Variants in B3GALT1 observed in about 807,000 individuals in gnomAD.
The protein encoded by B3GALT1 is beta-1,3-galactosyltransferase 1, also known as UDP-Gal:betaGlcNAc beta 1,3-galactosyltransferase, polypeptide 1.
B3GALT1 carries 10 observed loss-of-function variants against 23.2 expected under a neutral mutation model. The ratio of observed to expected loss-of-function variants is 0.43; its 90% CI spans 0.27 to 0.73. B3GALT1 has a LOEUF of 0.73. B3GALT1 is among the 30% of genes least tolerant of loss of function. The pLI, the probability that B3GALT1 is intolerant of heterozygous loss-of-function variation, is 0.21. For missense variants in B3GALT1, 299 were observed against 405.4 expected, an observed-to-expected ratio of 0.74 and a Z score of 2.25; for synonymous variants, 156 against 141.5, an observed-to-expected ratio of 1.10 and a Z score of -0.73.
At chr2:167,322,704 C>G (rs1050847032) in intron 1 of B3GALT1, among the ~76,000 whole-genome samples, 1 of 151,986 alleles carries the variant, frequency 6.6e-6, no homozygotes, top group African/African-American at 2.4e-5. Context: ...AGTGTGAACT[C>G]TAAGTTTTCT....
chr2:167,787,674 C>A (rs1374227614), intron 3 of B3GALT1, among the ~76,000 whole-genome samples: 1 of 152,204 alleles, frequency 6.6e-6, no homozygotes, highest in Non-Finnish European at 1.5e-5. Flanking sequence ...TGACCCCTAT[C>A]CCAGCACCAT....
intron 4 of B3GALT1, among the ~76,000 whole-genome samples, chr2:167,841,157 C>T (rs1425851778): frequency 1.3e-5 from 2 of 149,584 alleles, no homozygotes. Flanking sequence ...CACATGTACC[C>T]TAAAACTTAA....
chr2:167,636,335 A>T (rs200837048), intron 2 of B3GALT1, among the ~76,000 whole-genome samples: 3 of 151,892 alleles, frequency 2.0e-5, no homozygotes, highest in Non-Finnish European at 4.4e-5. Flanking sequence ...CACCAAGCTG[A>T]AGATATGCTC....
intron 3 of B3GALT1, among the ~76,000 whole-genome samples, chr2:167,806,977 T>C (rs1317394737): frequency 6.6e-6 from 1 of 152,210 alleles, no homozygotes; most frequent in Non-Finnish European, 1.5e-5. Context: ...CTATTAATTG[T>C]TGCCTCAATT....
intron 3 of B3GALT1, among the ~76,000 whole-genome samples, chr2:167,676,835 C>A (rs1686436791): frequency 6.6e-6 from 1 of 152,092 alleles, no homozygotes; most frequent in Non-Finnish European, 1.5e-5. Flanking sequence ...CCGCGCCTGG[C>A]CCCAATAATT....
At chr2:167,539,931 C>T (rs1683508455) in intron 2 of B3GALT1, among the ~76,000 whole-genome samples, 2 of 152,032 alleles carry the variant, frequency 1.3e-5, no homozygotes, top group Non-Finnish European at 2.9e-5. Context: ...TTCTCTCTAA[C>T]AGTTAAAAAA....
chr2:167,705,293 CA>C (rs1457011696), intron 3 of B3GALT1, among the ~76,000 whole-genome samples: 2 of 152,292 alleles, frequency 1.3e-5, no homozygotes, highest in East Asian at 3.9e-4. Flanking sequence ...GCTATTATAG[CA>C]GACCCAAAAG....
Position 167,868,965 on chromosome 2 carries a change from C to CT in B3GALT1, c.-72dup. The CT allele has an allele frequency of 6.7e-7, 1 of 1,484,160 alleles. No homozygotes were observed. The highest frequency in any genetic ancestry group is 9.1e-7 in the Non-Finnish European group (1 of 1,104,928). The allele number at this position is 1,484,160 out of a possible 1,614,324, so 91.9% of individuals were successfully genotyped here. A position where few individuals can be genotyped will look rare whatever the true frequency, so the allele number is the denominator to read the frequency against. On this transcript the variant is annotated 5_prime_UTR_variant, in exon 5 of 5. An upstream open reading frame in the 5' UTR gains an earlier in-frame stop. Transcript: ENST00000392690. ...TGAAGATTTATTAGTAATATGCTGC[C>CT]TTTGGAAGATGAAAACAAACTAGTG...
intron 2 of B3GALT1, among the ~76,000 whole-genome samples, chr2:167,533,727 A>G (rs955551697): frequency 4.6e-5 from 7 of 152,152 alleles, no homozygotes; most frequent in African/African-American, 1.4e-4. Context: ...AGATTCCCTT[A>G]CGTTTTACCA....
At chr2:167,674,012 CTATT>C (rs1201272991) in intron 3 of B3GALT1, among the ~76,000 whole-genome samples, 3 of 152,036 alleles carry the variant, frequency 2.0e-5, no homozygotes, top group African/African-American at 4.8e-5. Flanking sequence ...CTTTGCTATT[CTATT>C]TATTCATGCA....
At chr2:167,349,853 A>G (rs1244532976) in intron 1 of B3GALT1, among the ~76,000 whole-genome samples, 2 of 152,216 alleles carry the variant, frequency 1.3e-5, no homozygotes, top group Non-Finnish European at 2.9e-5. Context: ...TTCTCCCTAT[A>G]GGAATTTTTA....
At chr2:167,326,681 CATTT>C (rs945062055) in intron 1 of B3GALT1, among the ~76,000 whole-genome samples, 4 of 151,472 alleles carry the variant, frequency 2.6e-5, no homozygotes, top group Non-Finnish European at 4.4e-5. Flanking sequence ...TTCCCCTGCC[CATTT>C]ATTTATTTAT....
chr2:167,530,219 C>G (rs371568394), intron 2 of B3GALT1, among the ~76,000 whole-genome samples: 1 of 152,104 alleles, frequency 6.6e-6, no homozygotes, highest in South Asian at 2.1e-4. Flanking sequence ...GATTCTACCC[C>G]CTATTGGCCA....
chr2:167,313,958 T>A (rs1275534587), intron 1 of B3GALT1, among the ~76,000 whole-genome samples: 1 of 152,124 alleles, frequency 6.6e-6, no homozygotes, highest in Non-Finnish European at 1.5e-5. Flanking sequence ...CACCCAGTAA[T>A]AGTAACGCAG....
chr2:167,481,601 A>G (rs1389723222), intron 1 of B3GALT1, among the ~76,000 whole-genome samples: 2 of 152,226 alleles, frequency 1.3e-5, no homozygotes, highest in Non-Finnish European at 2.9e-5. Flanking sequence ...TTGAATGCCT[A>G]TGTGCCAGGC....
At chr2:167,430,072 T>A (rs970172711) in intron 1 of B3GALT1, among the ~76,000 whole-genome samples, 49 of 152,086 alleles carry the variant, frequency 3.2e-4, no homozygotes, top group Admixed American at 3.2e-3. Flanking sequence ...TTAAATGCTG[T>A]GGGGAGAAAA....
At chr2:167,446,210 G>T (rs1475179590) in intron 1 of B3GALT1, among the ~76,000 whole-genome samples, 1 of 152,198 alleles carries the variant, frequency 6.6e-6, no homozygotes, top group African/African-American at 2.4e-5. Flanking sequence ...CTTCTGGCTT[G>T]TAGAGTTTCT....
intron 3 of B3GALT1, among the ~76,000 whole-genome samples, chr2:167,655,015 C>A (rs1043124019): frequency 4.6e-5 from 7 of 152,046 alleles, no homozygotes; most frequent in African/African-American, 1.4e-4. Context: ...GATTAATATT[C>A]TCTGTAACAA....
chr2:167,308,993 A>T (rs981111460), intron 1 of B3GALT1, among the ~76,000 whole-genome samples: 3 of 152,000 alleles, frequency 2.0e-5, no homozygotes, highest in Non-Finnish European at 4.4e-5. Context: ...CGGCAACTTT[A>T]CCAGTTGCAA....
Sources: gnomAD v4.1 joint callset for allele counts (sites outside exome capture counted in the v4.1 genomes callset) on GRCh38, gnomAD v4.1.1 for gene constraint, MANE v1.5 for transcripts, NCBI Gene and HGNC (gene_info 2026-07-23, HGNC 2026-07-21) for gene names.